Variants in SENP6 observed in about 807,000 individuals in gnomAD.
SENP6 encodes SUMO specific peptidase 6.
In SENP6, 41 loss-of-function variants were observed where a neutral mutation model predicts 134.5. The observed-to-expected ratio is 0.30, with a 90% CI of 0.24 to 0.40. The LOEUF is 0.40. Among genes scored for constraint, SENP6 ranks in the 10% least tolerant of loss-of-function variants. The pLI is 1.00. For synonymous variants in SENP6, 395 were observed against 429.8 expected (o/e 0.92, Z 1.00); for missense variants, 1,248 against 1,312.5 (o/e 0.95, Z 0.76).
chr6:75,658,197 C>T (rs567539549), intron 7 of SENP6, among the ~76,000 whole-genome samples: 1 of 152,044 alleles, frequency 6.6e-6, no homozygotes, highest in Non-Finnish European at 1.5e-5. Context: ...AAATTTCTAG[C>T]TTTGGTGTCT....
intron 1 of SENP6, among the ~76,000 whole-genome samples, chr6:75,603,026 T>C (rs1766755614): frequency 6.6e-6 from 1 of 152,216 alleles, no homozygotes; most frequent in Non-Finnish European, 1.5e-5. Context: ...TTATACCCTC[T>C]GGTCTGTTTC....
Position 75,659,385 on chromosome 6 carries a change from A to G in SENP6, c.674A>G (p.Lys225Arg). The G allele has an allele frequency of 6.2e-7, 1 of 1,609,718 alleles. No individual in the cohort carries two copies. ...ACTCCTCCTCTATCTCCTGCTTCAA[A>G]AAAATGTTTAACCCATTTAGAGGTA... ...QPTPPLSPASKKCLTHLEDLQ... is the reference protein window; with the variant it reads ...QPTPPLSPASRKCLTHLEDLQ... The change falls in exon 8 of 24, where the codon AAA becomes AGA. Residue 225 changes from lysine to arginine, a missense_variant. Lys to Arg is a conservative substitution (Grantham distance 26). Around this residue, in one of 3 missense-constraint regions of SENP6, gnomAD observed 733 missense variants for 725.4 expected, o/e 1.01. Transcript: ENST00000447266.
At chr6:75,701,965 G>A (rs372602888) in intron 18 of SENP6, among the ~76,000 whole-genome samples, 18 of 152,084 alleles carry the variant, frequency 1.2e-4, no homozygotes, top group African/African-American at 4.3e-4. Flanking sequence ...AAGATGGATA[G>A]CTTTCCATCT....
At chr6:75,652,099 C>T (rs1203702736) in intron 7 of SENP6, among the ~76,000 whole-genome samples, 1 of 151,960 alleles carries the variant, frequency 6.6e-6, no homozygotes, top group East Asian at 1.9e-4. Context: ...ATCACTTGAG[C>T]CCAGCAGGTC....
intron 3 of SENP6, among the ~76,000 whole-genome samples, chr6:75,631,118 A>G (rs970338832): frequency 1.3e-5 from 2 of 152,046 alleles, no homozygotes; most frequent in Non-Finnish European, 2.9e-5. Flanking sequence ...TAGTGTGTCT[A>G]ATTTTTTACT....
intron 16 of SENP6, among the ~76,000 whole-genome samples, chr6:75,687,639 A>G (rs976003372): frequency 2.0e-5 from 3 of 152,106 alleles, no homozygotes; most frequent in Non-Finnish European, 2.9e-5. Context: ...TGTTGATGCT[A>G]TTCCTTTCTG....
intron 9 of SENP6, among the ~76,000 whole-genome samples, chr6:75,666,396 C>T (rs1317829010): frequency 1.3e-5 from 2 of 149,986 alleles, no homozygotes; most frequent in Admixed American, 1.3e-4. Context: ...TGAAATAGAC[C>T]TACTGTTCTT....
intron 16 of SENP6, among the ~76,000 whole-genome samples, chr6:75,695,575 TAAAATAG>T (rs945551755): frequency 3.5e-4 from 53 of 152,136 alleles, no homozygotes; most frequent in African/African-American, 1.2e-3. Flanking sequence ...CTATCTCTAC[TAAAATAG>T]AAAAATTAGC....
At chr6:75,715,313 G>A (rs532220706) in intron 23 of SENP6, 72 bp from the exon 24 acceptor site, 23 of 1,154,818 alleles carry the variant, frequency 2.0e-5, no homozygotes, top group Admixed American at 4.2e-5. Flanking sequence ...TTTTAACTTC[G>A]GAATGTTTCT....
chr6:75,610,545 A>AT (rs1219766789), intron 1 of SENP6, among the ~76,000 whole-genome samples: 2 of 151,904 alleles, frequency 1.3e-5, no homozygotes, highest in Admixed American at 6.6e-5. Flanking sequence ...TTGGACCCTA[A>AT]TTTTTTTTGT....
rs551275438 is a variant in SENP6 at position 75,616,035 on chromosome 6, CTACTAT to C, written c.53-5494_53-5489del. Among the ~76,000 whole-genome samples, 195 of 152,252 alleles carry C rather than the reference CTACTAT, an allele frequency of 1.3e-3. 1 individual carries two copies. The highest frequency in any genetic ancestry group is 4.4e-3 in the African/African-American group (183 of 41,560). On this transcript the variant is annotated intron_variant, in intron 1 of 23. Transcript: ENST00000447266. ...TTTTTCACTTTTGTTAATCTCTCTT[CTACTAT>C]TATCTCCTCTCTGGTTCTTTTTGTT...
At chr6:75,651,398 G>A (rs542338024) in intron 7 of SENP6, among the ~76,000 whole-genome samples, 9 of 152,198 alleles carry the variant, frequency 5.9e-5, no homozygotes, top group South Asian at 2.1e-4. Flanking sequence ...CTATTACCCA[G>A]GCTTGGAGTA....
At chr6:75,647,493 A>T (rs1770544188) in intron 6 of SENP6, 2 of 306,650 alleles carry the variant, frequency 6.5e-6, no homozygotes, top group South Asian at 3.8e-5. Flanking sequence ...AGACAATCTC[A>T]TTCAACATTT....
At chr6:75,705,363 G>C (rs901452272) in intron 19 of SENP6, among the ~76,000 whole-genome samples, 4 of 151,982 alleles carry the variant, frequency 2.6e-5, no homozygotes, top group Non-Finnish European at 5.9e-5. Flanking sequence ...TGACCAACGT[G>C]GTAAAACCCC....
chr6:75,666,370 A>C (rs1007219978), intron 9 of SENP6, among the ~76,000 whole-genome samples: 8 of 150,136 alleles, frequency 5.3e-5, no homozygotes, highest in African/African-American at 1.9e-4. Context: ...TTTACACCTT[A>C]AATTTTTTGG....
At chr6:75,674,721 T>C (rs1772952382) in intron 11 of SENP6, among the ~76,000 whole-genome samples, 1 of 152,234 alleles carries the variant, frequency 6.6e-6, no homozygotes, top group South Asian at 2.1e-4. Context: ...TTCTAGACTT[T>C]GCAATTAATT....
intron 3 of SENP6, among the ~76,000 whole-genome samples, chr6:75,626,973 T>G (rs964794198): frequency 6.6e-6 from 1 of 152,146 alleles, no homozygotes; most frequent in Non-Finnish European, 1.5e-5. Flanking sequence ...ATTTTATTTA[T>G]TTATCTATTG....
intron 7 of SENP6, chr6:75,655,260 A>G (rs899206267): frequency 1.3e-5 from 2 of 152,326 alleles, no homozygotes; most frequent in African/African-American, 2.4e-5. Context: ...CTGGCGATCA[A>G]TGGGGTGACA....
chr6:75,678,638 A>C lies in SENP6; in HGVS notation c.1904A>C (p.Asp635Ala), dbSNP rs756045339. ...AGCAAACAAGAATTTCAGTTTTTTG[A>C]TGAAGAAGAAGAAACTGGAGAAAAC... ...LRSKQEFQFF[D>A]EEEETGENHT... The change falls in exon 15 of 24, where the codon GAT becomes GCT. Residue 635 changes from aspartate (D) to alanine (A), a missense_variant. This residue lies in a region of SENP6 where 129 missense variants were observed against 192.0 expected (regional missense o/e 0.67). Coordinates refer to ENST00000447266, the MANE Select transcript of SENP6 (RefSeq NM_015571.4). 43 of 1,604,670 alleles carry C rather than the reference A, an allele frequency of 2.7e-5. No homozygotes were observed. The highest frequency in any genetic ancestry group is 3.6e-5 in the Non-Finnish European group (42 of 1,174,066).
Sources: gnomAD v4.1 joint callset for allele counts (sites outside exome capture counted in the v4.1 genomes callset) on GRCh38, gnomAD v4.1.1 for gene constraint, gnomAD v4.1.1 regional missense constraint, MANE v1.5 for transcripts, NCBI Gene and HGNC (gene_info 2026-07-23, HGNC 2026-07-21) for gene names.